Variants in AFG2A observed in about 807,000 individuals in gnomAD.
AFG2A encodes the protein ATPase family gene 2 protein homolog A.
At chr4:123,292,616 G>A in the AFG2A span, among the ~76,000 whole-genome samples, 2 of 152,046 alleles carry the variant, frequency 1.3e-5, no homozygotes, top group African/African-American at 4.8e-5. Flanking sequence ...GCTTTCAGTG[G>A]CAAAGACTTT....
the AFG2A span, among the ~76,000 whole-genome samples, chr4:122,976,986 A>G: frequency 1.4e-4 from 21 of 152,186 alleles, no homozygotes; most frequent in Non-Finnish European, 2.6e-4. Flanking sequence ...GCCAAAACTA[A>G]GTGCTTGGAT....
At chr4:123,027,966 G>T in the AFG2A span, among the ~76,000 whole-genome samples, 1 of 9,910 alleles carries the variant, frequency 1.0e-4, no homozygotes, top group East Asian at 3.0e-3. Flanking sequence ...CTTACAAGCA[G>T]AATTTTTTTT....
the AFG2A span, among the ~76,000 whole-genome samples, chr4:123,286,660 A>G: frequency 6.6e-6 from 1 of 152,156 alleles, no homozygotes; most frequent in Non-Finnish European, 1.5e-5. Flanking sequence ...TCTGGGAAAC[A>G]TCACTTTTTC....
At chr4:123,300,707 A>G in the AFG2A span, among the ~76,000 whole-genome samples, 2 of 151,908 alleles carry the variant, frequency 1.3e-5, no homozygotes, top group African/African-American at 4.8e-5. Context: ...GCATTCCTTA[A>G]CTAGTGTGCT....
the AFG2A span, among the ~76,000 whole-genome samples, chr4:123,258,929 C>T: frequency 4.1e-5 from 6 of 146,082 alleles, no homozygotes; most frequent in Non-Finnish European, 7.4e-5. Flanking sequence ...TGCAGTGGCA[C>T]GATCTTGGCT....
At chr4:123,244,177 G>C in the AFG2A span, among the ~76,000 whole-genome samples, 4 of 152,070 alleles carry the variant, frequency 2.6e-5, no homozygotes, top group East Asian at 5.8e-4. Context: ...AGCCAAAGCA[G>C]GACTGACGGA....
At chr4:123,245,411 T>C in the AFG2A span, among the ~76,000 whole-genome samples, 2 of 152,228 alleles carry the variant, frequency 1.3e-5, no homozygotes, top group African/African-American at 4.8e-5. Context: ...GAAATGTTAG[T>C]TTGCATTGTT....
the AFG2A span, chr4:122,947,183 T>A: frequency 6.8e-7 from 1 of 1,477,432 alleles, no homozygotes; most frequent in South Asian, 1.4e-5. Context: ...TCTCACTTTT[T>A]TTTTTCTAAC....
chr4:123,313,218 G>A, the AFG2A span, among the ~76,000 whole-genome samples: 1 of 151,306 alleles, frequency 6.6e-6, no homozygotes, highest in East Asian at 1.9e-4. Context: ...CATCCATTCC[G>A]CCCCCTCCCC....
At chr4:123,023,378 A>G in the AFG2A span, among the ~76,000 whole-genome samples, 1 of 152,094 alleles carries the variant, frequency 6.6e-6, no homozygotes, top group African/African-American at 2.4e-5. Flanking sequence ...GTTCAAATAA[A>G]AAAGAAAAAA....
At chr4:123,089,999 G>T in the AFG2A span, among the ~76,000 whole-genome samples, 1 of 151,854 alleles carries the variant, frequency 6.6e-6, no homozygotes, top group African/African-American at 2.4e-5. Flanking sequence ...TAAACCAAAG[G>T]AAAAAAAACT....
the AFG2A span, among the ~76,000 whole-genome samples, chr4:123,104,858 ATTAAGT>A: frequency 6.6e-6 from 1 of 152,370 alleles, no homozygotes; most frequent in East Asian, 1.9e-4. Context: ...AACTTGGGTC[ATTAAGT>A]TTAAGGAAAG....
At chr4:123,187,000 A>T in the AFG2A span, among the ~76,000 whole-genome samples, 2 of 152,140 alleles carry the variant, frequency 1.3e-5, no homozygotes, top group Non-Finnish European at 2.9e-5. Flanking sequence ...TTGCTTTATG[A>T]GGAAAGAAAA....
the AFG2A span, among the ~76,000 whole-genome samples, chr4:123,151,543 G>T: frequency 0.072 from 10,906 of 152,150 alleles, 1,260 homozygotes; most frequent in African/African-American, 0.25. Flanking sequence ...GGTCATCACT[G>T]GTCATTAGAG....
the AFG2A span, among the ~76,000 whole-genome samples, chr4:123,200,252 T>G: frequency 1.4e-5 from 2 of 147,898 alleles, no homozygotes; most frequent in Non-Finnish European, 2.9e-5. Flanking sequence ...TAGCACTGAT[T>G]ACTCTATTCC....
the AFG2A span, among the ~76,000 whole-genome samples, chr4:123,234,348 T>TTTG: frequency 1.3e-5 from 2 of 152,150 alleles, no homozygotes; most frequent in Admixed American, 6.6e-5. Flanking sequence ...TATTTCCCTT[T>TTTG]TTGTAAATTG....
chr4:123,134,595 AT>A, the AFG2A span, among the ~76,000 whole-genome samples: 2,098 of 132,646 alleles, frequency 0.016, 14 homozygotes, highest in African/African-American at 0.028. Flanking sequence ...GAATTTTAGG[AT>A]TTTTTTTTTT....
the AFG2A span, among the ~76,000 whole-genome samples, chr4:123,231,426 A>G: frequency 6.6e-6 from 1 of 152,036 alleles, no homozygotes; most frequent in Non-Finnish European, 1.5e-5. Flanking sequence ...CAGCCTTCAC[A>G]GAATTGAAGA....
the AFG2A span, among the ~76,000 whole-genome samples, chr4:123,210,738 TA>T: frequency 6.6e-6 from 1 of 152,136 alleles, no homozygotes; most frequent in East Asian, 1.9e-4. Context: ...ATAATAGTTA[TA>T]TTTTTTATTT....
Sources: allele counts gnomAD v4.1 joint callset (sites outside exome capture counted in the v4.1 genomes callset), GRCh38; gene constraint gnomAD v4.1.1; transcripts MANE v1.5; gene names NCBI Gene and HGNC (gene_info 2026-07-23, HGNC 2026-07-21).